The following MIPEP variants were observed in gnomAD, a reference collection of about 807,000 sequenced individuals.
MIPEP encodes the protein mitochondrial intermediate peptidase.
A neutral mutation model predicts 90.3 loss-of-function variants in MIPEP; 79 were observed. The ratio of observed to expected loss-of-function variants is 0.87; its 90% CI spans 0.73 to 1.05. MIPEP has a LOEUF of 1.05. Among genes scored for constraint, MIPEP ranks in the 50% least tolerant of loss-of-function variants. MIPEP has a pLI of 0.00. For synonymous variants in MIPEP, 334 were observed against 315.8 expected (o/e 1.06, Z -0.61); for missense variants, 940 against 905.6 (o/e 1.04, Z -0.49).
intron 16 of MIPEP, among the ~76,000 whole-genome samples, chr13:23,802,267 A>C (rs145368669): frequency 6.6e-6 from 1 of 152,332 alleles, no homozygotes; most frequent in Non-Finnish European, 1.5e-5. Flanking sequence ...TATTCAAAGT[A>C]ATTTAAAAAT....
chr13:23,784,091 C>T (rs563348215), intron 16 of MIPEP, among the ~76,000 whole-genome samples: 1 of 152,002 alleles, frequency 6.6e-6, no homozygotes, highest in Non-Finnish European at 1.5e-5. Flanking sequence ...TAATGCCATC[C>T]CCATCAAGCT....
At chr13:23,842,448 C>T (rs1202727415) in intron 10 of MIPEP, 2 of 152,262 alleles carry the variant, frequency 1.3e-5, no homozygotes, top group East Asian at 3.9e-4. Flanking sequence ...CAAATTTACA[C>T]CTTAATTTCT....
chr13:23,772,197 T>G (rs1952660060), intron 16 of MIPEP, among the ~76,000 whole-genome samples: 1 of 152,228 alleles, frequency 6.6e-6, no homozygotes, highest in Non-Finnish European at 1.5e-5. Flanking sequence ...AGAATGTGAC[T>G]GAGCCACCGA....
chr13:23,863,498 G>C (rs1870400213), intron 8 of MIPEP, among the ~76,000 whole-genome samples: 1 of 152,152 alleles, frequency 6.6e-6, no homozygotes, highest in Admixed American at 6.5e-5. Context: ...TTATCTTCAG[G>C]CTATGTGTAT....
chr13:23,875,920 T>C (rs1871052852), intron 4 of MIPEP, among the ~76,000 whole-genome samples: 1 of 152,208 alleles, frequency 6.6e-6, no homozygotes, highest in African/African-American at 2.4e-5. Context: ...ATCACAAACA[T>C]TGAACAGTTC....
At chr13:23,858,685 A>C (rs1311606145) in intron 10 of MIPEP, among the ~76,000 whole-genome samples, 175 bp downstream of exon 10, 1 of 152,146 alleles carries the variant, frequency 6.6e-6, no homozygotes, top group Admixed American at 6.6e-5. Flanking sequence ...ATTTTAAACA[A>C]GGAAATGATA....
At chr13:23,800,511 A>G (rs1953022911) in intron 16 of MIPEP, among the ~76,000 whole-genome samples, 1 of 152,206 alleles carries the variant, frequency 6.6e-6, no homozygotes, top group Non-Finnish European at 1.5e-5. Context: ...ATTGCCCTCT[A>G]TTCACAAATG....
chr13:23,771,958 T>A (rs1436685628), intron 16 of MIPEP, among the ~76,000 whole-genome samples: 5 of 152,196 alleles, frequency 3.3e-5, no homozygotes, highest in Admixed American at 6.5e-5. Flanking sequence ...TTAGGAGGTG[T>A]GTCTTACGAA....
In MIPEP at chr13:23,837,903, T is replaced by A. The variant is rs567965211; in HGVS notation, c.1339-147A>T. ...TTCTTATTCTATCTATTTACATATA[T>A]ACACCTTTTCTTGACATTTTTTATT... On this transcript the variant is annotated intron_variant, in intron 12 of 18. Transcript: ENST00000382172. 6.8e-6 allele frequency: 4 copies of A among 585,474 alleles called. No individual in the cohort carries two copies. In the South Asian group the frequency reaches 1.1e-4, roughly 15 times the overall value. 36.3% of individuals were successfully genotyped at this position (585,474 alleles called of 1,614,324 possible). A position where few individuals can be genotyped will look rare whatever the true frequency, so the allele number is the denominator to read the frequency against.
chr13:23,868,761 G>A lies in MIPEP; in HGVS notation c.943+531C>T, dbSNP rs1000957643. Among the ~76,000 whole-genome samples, 4 of 152,198 alleles carry A rather than the reference G, an allele frequency of 2.6e-5. No homozygotes were observed. The South Asian group carries it at 6.2e-4, about 24-fold the overall frequency. On this transcript the variant is annotated intron_variant, in intron 7 of 18. Coordinates refer to ENST00000382172, the MANE Select transcript of MIPEP (RefSeq NM_005932.4). ...TATTATTGTGTAACATTTTCTCTTA[G>A]ACATTATGAATCATAAGGAACTCAA...
At chr13:23,855,285 A>C (rs1593193170) in intron 10 of MIPEP, among the ~76,000 whole-genome samples, 4 of 152,060 alleles carry the variant, frequency 2.6e-5, no homozygotes, top group Middle Eastern at 3.4e-3. Flanking sequence ...ACAGTCACTT[A>C]TACTACTACG....
At chr13:23,740,100 C>T (rs1952309486) in intron 18 of MIPEP, among the ~76,000 whole-genome samples, 2 of 152,114 alleles carry the variant, frequency 1.3e-5, no homozygotes, top group South Asian at 4.1e-4. Context: ...TTGGTTGTCA[C>T]ACTGGAGGAG....
At position 23,796,618 on chromosome 13, in the gene MIPEP, G is replaced by T. The variant is rs148716681; in HGVS notation, c.1848+9332C>A. 5.0e-3 allele frequency among the ~76,000 whole-genome samples: 749 copies of T among 150,706 alleles called. 1 individual carries two copies. Among genetic ancestry groups the T allele is most frequent in the Admixed American group, 8.3e-3 (126 of 15,162 alleles). The stretch of plus-strand genomic sequence containing the variant: ...AACAAAAAAACTCCACGTAGTAAAT[G>T]TAACAGTACTCTCAAAATCTCTCTG... On this transcript the variant is annotated intron_variant, in intron 16 of 18. Transcript: ENST00000382172.
Position 23,869,447 on chromosome 13 carries a change from A to G in MIPEP, c.788T>C (p.Val263Ala), listed in dbSNP as rs761536472. The G allele has an allele frequency of 1.2e-6, 2 of 1,600,672 alleles. No individual in the cohort carries two copies. The highest frequency in any genetic ancestry group is 1.7e-6 in the Non-Finnish European group (2 of 1,175,742). The change falls in exon 7 of 19, where the codon GTG becomes GCG. Residue 263 changes from valine (V) to alanine (A), a missense_variant and splice_region_variant. Val to Ala is a moderately conservative substitution (Grantham distance 64). Transcript: ENST00000382172. Reference sequence around the variant, plus strand: ...AAAAATTTTATAAGCAGCTTCTCGCACCTACGTTTAAAAAGTAAATGGTGA... The same window carrying G: ...AAAAATTTTATAAGCAGCTTCTCGCGCCTACGTTTAAAAAGTAAATGGTGA... Reference protein sequence around the residue: ...GLHAESPDDLVREAAYKIFLY... With the variant: ...GLHAESPDDLAREAAYKIFLY...
intron 15 of MIPEP, among the ~76,000 whole-genome samples, chr13:23,808,361 C>G (rs923587372): frequency 1.3e-5 from 2 of 152,034 alleles, no homozygotes; most frequent in Admixed American, 6.6e-5. Flanking sequence ...GGCCTCCCAA[C>G]GTGCTGGGAT....
chr13:23,805,915 C>G lies in MIPEP; in HGVS notation c.1848+35G>C, dbSNP rs201846310. The stretch of plus-strand genomic sequence containing the variant: ...CTACAGAAGTAATAGCAGAACCACT[C>G]AATACACAAAACAGAAGCCAAATGC... On this transcript the variant is annotated intron_variant, in intron 16 of 18. Transcript: ENST00000382172. 7 of 1,608,938 alleles carry G rather than the reference C, an allele frequency of 4.4e-6. No individual in the cohort carries two copies. The Admixed American group carries it at 1.2e-4, about 27-fold the overall frequency.
chr13:23,888,922 A>G, intron 1 of MIPEP: 1 of 522,974 alleles, frequency 1.9e-6, no homozygotes, highest in Non-Finnish European at 2.9e-6. Context: ...CGGACCCGAC[A>G]CTCTGGGTAG....
intron 16 of MIPEP, among the ~76,000 whole-genome samples, chr13:23,776,621 A>T (rs1952719840): frequency 6.6e-6 from 1 of 152,220 alleles, no homozygotes; most frequent in Admixed American, 6.5e-5. Flanking sequence ...GGGATTAAAT[A>T]AAAGTTGTGG....
intron 15 of MIPEP, among the ~76,000 whole-genome samples, chr13:23,807,665 T>C (rs1377307784): frequency 1.3e-5 from 2 of 152,222 alleles, no homozygotes; most frequent in African/African-American, 4.8e-5. Flanking sequence ...TGCATAAAGA[T>C]AATCAGGGAG....
Sources: allele counts gnomAD v4.1 joint callset (sites outside exome capture counted in the v4.1 genomes callset), GRCh38; gene constraint gnomAD v4.1.1; transcripts MANE v1.5; gene names NCBI Gene and HGNC (gene_info 2026-07-23, HGNC 2026-07-21).